The following RBMS3 variants were observed in gnomAD, a reference collection of about 807,000 sequenced individuals.
RBMS3 encodes the protein RNA binding motif single stranded interacting protein 3, also known as RNA-binding motif, single-stranded-interacting protein 3.
Under a neutral mutation model 66.8 loss-of-function variants are expected in RBMS3, and 27 were observed. That is an observed-to-expected ratio of 0.40 (90% CI 0.30 to 0.56). The LOEUF (loss-of-function observed/expected upper bound fraction) is 0.56. RBMS3 is among the 20% of genes least tolerant of loss of function. RBMS3 has a pLI of 0.40. For synonymous variants in RBMS3, 188 were observed against 183.0 expected, an observed-to-expected ratio of 1.03 and a Z score of -0.22; for missense variants, 513 against 549.5, an observed-to-expected ratio of 0.93 and a Z score of 0.66.
chr3:29,676,385 T>A (rs533190464), intron 4 of RBMS3, among the ~76,000 whole-genome samples: 1 of 152,348 alleles, frequency 6.6e-6, no homozygotes, highest in East Asian at 1.9e-4. Context: ...GTAACAAACC[T>A]GCACGTTGTG....
intron 3 of RBMS3, among the ~76,000 whole-genome samples, chr3:29,499,755 C>T (rs1271331600): frequency 6.6e-6 from 1 of 152,128 alleles, no homozygotes; most frequent in Non-Finnish European, 1.5e-5. Context: ...CTTTTAAAAA[C>T]ACAATTTCTT....
At chr3:29,375,126 A>G (rs2038401125) in intron 1 of RBMS3, among the ~76,000 whole-genome samples, 2 of 152,212 alleles carry the variant, frequency 1.3e-5, no homozygotes, top group Non-Finnish European at 2.9e-5. Context: ...TTTCTTATTT[A>G]ATAAAGGGTT....
intron 4 of RBMS3, among the ~76,000 whole-genome samples, chr3:29,665,057 T>G (rs2050700214): frequency 6.6e-6 from 1 of 152,228 alleles, no homozygotes; most frequent in South Asian, 2.1e-4. Flanking sequence ...TAGCTTTCTA[T>G]ATAATACCAG....
intron 6 of RBMS3, among the ~76,000 whole-genome samples, chr3:29,829,612 T>G (rs1482336136): frequency 6.6e-6 from 1 of 152,132 alleles, no homozygotes; most frequent in Non-Finnish European, 1.5e-5. Context: ...GGGGAATTTT[T>G]TAAAAAACTG....
At chr3:29,828,326 A>G (rs1180906503) in intron 6 of RBMS3, among the ~76,000 whole-genome samples, 1 of 152,010 alleles carries the variant, frequency 6.6e-6, no homozygotes, top group African/African-American at 2.4e-5. Flanking sequence ...TTAGTATTAT[A>G]TTATTCTTTA....
chr3:29,880,732 A>G (rs1290123169), intron 7 of RBMS3: 1 of 1,509,096 alleles, frequency 6.6e-7, no homozygotes, highest in East Asian at 2.5e-5. Flanking sequence ...CAATGTTCCA[A>G]ATGCATATGA....
intron 14 of RBMS3, among the ~76,000 whole-genome samples, chr3:29,997,862 A>G (rs1336160059): frequency 2.6e-5 from 4 of 152,190 alleles, no homozygotes; most frequent in African/African-American, 7.2e-5. Flanking sequence ...CTGGCACAAG[A>G]CAGGGATGCC....
At position 29,281,587 on chromosome 3, in the gene RBMS3, G is replaced by A; in HGVS notation, c.-95G>A. On this transcript the variant is annotated 5_prime_UTR_variant, in exon 1 of 15. Coordinates refer to ENST00000383767, the MANE Select transcript of RBMS3 (RefSeq NM_001003793.3). ...GTCTCTGAAGCCTCATCAGTCACCG[G>A]GACTGTCAGGAATAGTGGTTTAAGA... 1.1e-6 allele frequency: 1 copy of A among 949,738 alleles called. No homozygotes were observed. Among genetic ancestry groups the A allele is most frequent in the Non-Finnish European group, 1.7e-6 (1 of 588,790 alleles). The allele number at this position is 949,738 out of a possible 1,614,324, so 58.8% of individuals were successfully genotyped here.
chr3:29,942,443 A>T (rs551871611), intron 11 of RBMS3, among the ~76,000 whole-genome samples: 1 of 151,922 alleles, frequency 6.6e-6, no homozygotes, highest in African/African-American at 2.4e-5. Flanking sequence ...AGATCAACTA[A>T]GCCCAGGAGT....
At chr3:29,901,914 A>C (rs548288709) in intron 10 of RBMS3, among the ~76,000 whole-genome samples, 1 of 151,822 alleles carries the variant, frequency 6.6e-6, no homozygotes, top group Non-Finnish European at 1.5e-5. Flanking sequence ...CCCTGTAATA[A>C]TCTTGTTGGC....
intron 3 of RBMS3, among the ~76,000 whole-genome samples, chr3:29,584,479 A>C (rs56856481): frequency 0.17 from 25,526 of 151,920 alleles, 2,303 homozygotes; most frequent in East Asian, 0.36. Context: ...TGAGCACCAA[A>C]CTAATATATC....
intron 4 of RBMS3, among the ~76,000 whole-genome samples, chr3:29,604,109 G>T (rs1210702237): frequency 2.0e-5 from 3 of 151,910 alleles, no homozygotes; most frequent in Admixed American, 6.6e-5. Flanking sequence ...TATCAATAAT[G>T]TCAAGGTTGA....
chr3:29,911,420 G>T (rs542578842), intron 10 of RBMS3, among the ~76,000 whole-genome samples: 147 of 152,134 alleles, frequency 9.7e-4, no homozygotes, highest in Non-Finnish European at 1.6e-3. Flanking sequence ...TAGGGCTGTT[G>T]TCCTATATTC....
intron 3 of RBMS3, among the ~76,000 whole-genome samples, chr3:29,508,461 C>A (rs946932574): frequency 1.4e-4 from 21 of 152,076 alleles, no homozygotes; most frequent in Non-Finnish European, 1.2e-4. Context: ...GTTTGGTTTT[C>A]TGTTCTTGTG....
At chr3:29,581,726 C>A (rs1379529) in intron 3 of RBMS3, among the ~76,000 whole-genome samples, 2 of 152,102 alleles carry the variant, frequency 1.3e-5, no homozygotes, top group Non-Finnish European at 2.9e-5. Flanking sequence ...GTGTTTCAAG[C>A]GAGATTTTAT....
At chr3:29,867,271 G>A (rs1056606279) in intron 6 of RBMS3, among the ~76,000 whole-genome samples, 1 of 151,830 alleles carries the variant, frequency 6.6e-6, no homozygotes, top group African/African-American at 2.4e-5. Flanking sequence ...AATGGGTGTT[G>A]GGGAAGTTGT....
intron 4 of RBMS3, among the ~76,000 whole-genome samples, chr3:29,626,282 AACTT>A (rs1174155698): frequency 1.3e-5 from 2 of 152,168 alleles, no homozygotes; most frequent in African/African-American, 4.8e-5. Flanking sequence ...CCATTCTTAA[AACTT>A]AGTTTGTGAT....
At chr3:29,399,497 C>A (rs1015437175) in intron 1 of RBMS3, among the ~76,000 whole-genome samples, 7 of 152,120 alleles carry the variant, frequency 4.6e-5, no homozygotes, top group African/African-American at 7.2e-5. Flanking sequence ...GAGACAAATA[C>A]TCTAGGAATG....
intron 10 of RBMS3, among the ~76,000 whole-genome samples, chr3:29,905,749 A>T (rs1006557778): frequency 6.6e-6 from 1 of 152,106 alleles, no homozygotes. Context: ...ATGATAGCTG[A>T]TGAGCTAAAA....
Sources: allele counts gnomAD v4.1 joint callset (sites outside exome capture counted in the v4.1 genomes callset), GRCh38; gene constraint gnomAD v4.1.1; transcripts MANE v1.5; gene names NCBI Gene and HGNC (gene_info 2026-07-23, HGNC 2026-07-21).